The following ELK3 variants were observed in gnomAD, a reference collection of about 807,000 sequenced individuals.
The protein encoded by ELK3 is ETS domain-containing protein Elk-3.
ELK3 carries 10 observed loss-of-function variants against 28.9 expected under a neutral mutation model. The ratio of observed to expected loss-of-function variants is 0.35; its 90% CI spans 0.21 to 0.59. ELK3 has a LOEUF of 0.59. Ranked by LOEUF, ELK3 falls within the 20% of genes least tolerant of loss-of-function variation. The pLI, the probability that ELK3 is intolerant of heterozygous loss-of-function variation, is 0.82. For missense variants in ELK3, 463 were observed against 517.3 expected (o/e 0.90, Z 1.02); for synonymous variants, 272 against 243.5 (o/e 1.12, Z -1.09).
chr12:96,234,350 G>T (rs957106813), intron 2 of ELK3, among the ~76,000 whole-genome samples: 3 of 152,274 alleles, frequency 2.0e-5, no homozygotes, highest in African/African-American at 7.2e-5. Context: ...ATCCACTTAC[G>T]TCAGGCTGTT....
rs1951867759 is a variant in ELK3 at position 96,247,535 on chromosome 12, C to G, written c.803C>G (p.Ser268Cys). The G allele has an allele frequency of 6.2e-7, 1 of 1,614,066 alleles. No individual in the cohort carries two copies. Among genetic ancestry groups the G allele is most frequent in the Non-Finnish European group, 8.5e-7 (1 of 1,180,046 alleles). ...SLFLEAACHD[S>C]DSLEPLNLSS... ...TTCCTGGAGGCCGCCTGCCATGACTCCGATTCCCTGGAGCCCTTGAACCTG... is the reference window on the plus strand; with the variant it reads ...TTCCTGGAGGCCGCCTGCCATGACTGCGATTCCCTGGAGCCCTTGAACCTG... The change falls in exon 3 of 5, where the codon TCC becomes TGC. Residue 268 changes from serine (S) to cysteine (C), a missense_variant. Ser to Cys is a moderately radical substitution (Grantham distance 112). Around this residue, in one of 2 missense-constraint regions of ELK3, gnomAD observed 408 missense variants for 414.8 expected, o/e 0.98. Coordinates refer to ENST00000228741, the MANE Select transcript of ELK3 (RefSeq NM_005230.4). This position sits in a 1 kb window ranked among gnomAD's most constrained non-coding sequence, Gnocchi z 5.5.
intron 4 of ELK3, among the ~76,000 whole-genome samples, chr12:96,265,357 C>T (rs1952021912): frequency 6.6e-6 from 1 of 152,068 alleles, no homozygotes; most frequent in Non-Finnish European, 1.5e-5. Context: ...CAATAAGGTA[C>T]ACCAAAGAGA....
chr12:96,209,476 A>G (rs903053713), intron 1 of ELK3, among the ~76,000 whole-genome samples: 3 of 152,218 alleles, frequency 2.0e-5, no homozygotes, highest in Non-Finnish European at 4.4e-5. Context: ...ATCCATGCAA[A>G]AAGGTTCTCA....
At chr12:96,232,408 A>G (rs1293903667) in intron 2 of ELK3, among the ~76,000 whole-genome samples, 1 of 151,864 alleles carries the variant, frequency 6.6e-6, no homozygotes, top group East Asian at 1.9e-4. Flanking sequence ...CGTCTCTACT[A>G]AAAATACAAA....
intron 4 of ELK3, among the ~76,000 whole-genome samples, chr12:96,264,198 T>C (rs1456761234): frequency 1.3e-5 from 2 of 152,176 alleles, no homozygotes; most frequent in Non-Finnish European, 2.9e-5. Flanking sequence ...TTGCTCAGGC[T>C]GGTTTTGAAC....
chr12:96,228,025 G>A lies in ELK3; in HGVS notation c.207+4252G>A, dbSNP rs11834920. ...GCAGACAGTGCAAAGAAGAAAATTA[G>A]AAACTGGGAGGATCACTTGAGCACA... On this transcript the variant is annotated intron_variant, in intron 2 of 4. Transcript: ENST00000228741. Among the ~76,000 whole-genome samples, 875 of 152,250 alleles carry A rather than the reference G, an allele frequency of 5.7e-3. 7 individuals are homozygous for A. Among genetic ancestry groups the A allele is most frequent in the African/African-American group, 0.02 (835 of 41,532 alleles).
chr12:96,260,555 T>A (rs758716236), intron 4 of ELK3, among the ~76,000 whole-genome samples: 6 of 152,246 alleles, frequency 3.9e-5, no homozygotes, highest in Admixed American at 3.9e-4. Context: ...CTCTCCATAC[T>A]AGGCGAGCAC....
intron 1 of ELK3, among the ~76,000 whole-genome samples, chr12:96,216,768 A>G (rs1000174532): frequency 1.3e-5 from 2 of 152,096 alleles, no homozygotes; most frequent in African/African-American, 4.8e-5. Context: ...GTATGATATG[A>G]TACTTTTATC....
rs542487273 is a variant in ELK3 at position 96,248,402 on chromosome 12, T to C, written c.1002+668T>C. On this transcript the variant is annotated intron_variant, in intron 3 of 4. Coordinates refer to ENST00000228741, the MANE Select transcript of ELK3 (RefSeq NM_005230.4). ...TTTAAATCAGATATTCAGATGCTCT[T>C]TCTTGTCCAGCTGACAATTGCAGTG... 3.9e-5 allele frequency among the ~76,000 whole-genome samples: 6 copies of C among 152,362 alleles called. No individual in the cohort carries two copies. In the South Asian group the frequency reaches 1.2e-3, roughly 32 times the overall value.
At chr12:96,234,844 G>A (rs1951769686) in intron 2 of ELK3, among the ~76,000 whole-genome samples, 2 of 152,170 alleles carry the variant, frequency 1.3e-5, no homozygotes, top group African/African-American at 4.8e-5. Context: ...CCATGCCTGG[G>A]CTTCCAAAGC....
chr12:96,234,508 C>T (rs536483942), intron 2 of ELK3, among the ~76,000 whole-genome samples: 89 of 151,234 alleles, frequency 5.9e-4, no homozygotes, highest in African/African-American at 1.9e-3. Flanking sequence ...CGTCCACCCA[C>T]GCCTCAGCTG....
chr12:96,220,724 A>G (rs1190615038), intron 1 of ELK3, among the ~76,000 whole-genome samples: 2 of 152,162 alleles, frequency 1.3e-5, no homozygotes, highest in Non-Finnish European at 2.9e-5. Context: ...GCTCTAGAGC[A>G]TAAAGATAAC....
At position 96,259,851 on chromosome 12, in the gene ELK3, C is replaced by T. The variant is rs1164610887; in HGVS notation, c.1123C>T (p.Gln375Ter). 3 of 1,593,958 alleles carry T rather than the reference C, an allele frequency of 1.9e-6. No individual in the cohort carries two copies. The highest frequency in any genetic ancestry group is 3.5e-5 in the Admixed American group (2 of 57,934). ...GCTGCAAGGGCCAAGCACGCTGTTC[C>T]AGGTGAGCGTTTGGAAATGAACTTT... ...ARLQGPSTLF[Q>*]FPTLLNGHMP... The change falls in exon 4 of 5, where the codon CAG (glutamine) becomes TAG (stop). Residue 375 changes from glutamine to a stop codon, truncating the protein, a stop_gained and splice_region_variant. Transcript: ENST00000228741. LOFTEE classifies it high-confidence loss of function.
chr12:96,216,399 T>A (rs1385125385), intron 1 of ELK3, among the ~76,000 whole-genome samples: 2 of 152,240 alleles, frequency 1.3e-5, no homozygotes, highest in Non-Finnish European at 2.9e-5. Flanking sequence ...CCCTAGCATC[T>A]GAGTTTTCTG....
intron 1 of ELK3, among the ~76,000 whole-genome samples, chr12:96,201,764 G>A (rs1951509373): frequency 6.6e-6 from 1 of 152,094 alleles, no homozygotes; most frequent in Non-Finnish European, 1.5e-5. Flanking sequence ...GACATATGCA[G>A]GAATTTAAAC....
At chr12:96,226,159 C>T (rs1184747312) in intron 2 of ELK3, among the ~76,000 whole-genome samples, 1 of 152,014 alleles carries the variant, frequency 6.6e-6, no homozygotes, top group Non-Finnish European at 1.5e-5. Context: ...AGGAAAGAAA[C>T]AAATTCAGTA....
chr12:96,216,880 C>T lies in ELK3; in HGVS notation c.-2-6685C>T, dbSNP rs78097371. 1.6e-3 allele frequency among the ~76,000 whole-genome samples: 237 copies of T among 152,288 alleles called. 1 individual carries two copies. The highest frequency in any genetic ancestry group is 5.5e-3 in the African/African-American group (228 of 41,558). ...ACAGGACGAGTCTTTGCTGTTGAAC[C>T]CAGAGAGTCAGGTGCCAGAATCTGC... On this transcript the variant is annotated intron_variant, in intron 1 of 4. Transcript: ENST00000228741.
chr12:96,215,477 TG>T (rs1320401748), intron 1 of ELK3, among the ~76,000 whole-genome samples: 1 of 152,134 alleles, frequency 6.6e-6, no homozygotes, highest in Non-Finnish European at 1.5e-5. Context: ...TCATGTGACC[TG>T]ACAGCTCTCA....
At chr12:96,246,899 G>C in intron 2 of ELK3, 41 bp from the exon 3 acceptor site, 1 of 1,542,530 alleles carries the variant, frequency 6.5e-7, no homozygotes, top group Non-Finnish European at 8.8e-7. Context: ...ATGGTTTCTC[G>C]GGTGCACTCA....
Sources: allele counts gnomAD v4.1 joint callset (sites outside exome capture counted in the v4.1 genomes callset), GRCh38; gene constraint gnomAD v4.1.1; regional missense constraint gnomAD v4.1.1; non-coding constraint Gnocchi (gnomAD v3.1); transcripts MANE v1.5; gene names NCBI Gene and HGNC (gene_info 2026-07-23, HGNC 2026-07-21).